CAMK1: variants seen among roughly 807,000 people sequenced by gnomAD.
The protein encoded by CAMK1 is calcium/calmodulin dependent protein kinase I.
Under a neutral mutation model 49.1 loss-of-function variants are expected in CAMK1, and 39 were observed. That is an observed-to-expected ratio of 0.79 (90% CI 0.62 to 1.04). The LOEUF (loss-of-function observed/expected upper bound fraction) is 1.04, where lower values mean the gene tolerates loss of function less well. CAMK1 is among the 50% of genes least tolerant of loss of function. The probability of loss-of-function intolerance (pLI) is 0.00; values close to 1 mark genes in which losing one functional copy is unlikely to be tolerated. For missense variants in CAMK1, 457 were observed against 472.2 expected, an observed-to-expected ratio of 0.97 and a Z score of 0.30; for synonymous variants, 192 against 185.2, an observed-to-expected ratio of 1.04 and a Z score of -0.30.
At chr3:9,762,865 A>C (rs2077951092) in intron 5 of CAMK1, 49 bp downstream of exon 5, 1 of 1,591,916 alleles carries the variant, frequency 6.3e-7, no homozygotes, top group Non-Finnish European at 8.6e-7. Context: ...GGGTTTGCAA[A>C]GGCCCCACCC....
chr3:9,765,619 G>A, intron 3 of CAMK1, 140 bp downstream of exon 3: 4 of 999,118 alleles, frequency 4.0e-6, no homozygotes, highest in South Asian at 1.5e-5. Context: ...CCTGCCAAGT[G>A]GAAATTGTGA....
In CAMK1 at chr3:9,760,685, GAGTC is replaced by G; in HGVS notation, c.712_715del (p.Asp238LeufsTer18). On this transcript the variant is annotated frameshift_variant, in exon 8 of 12. Coordinates refer to ENST00000256460, the MANE Select transcript of CAMK1 (RefSeq NM_003656.5). LOFTEE classifies it high-confidence loss of function. Reference sequence around the variant, plus strand: ...GTCAGAGATGTCGTCCCAGTAAGGAGAGTCAAACTCGTACTCGGCCTTCAAAATC... The same window carrying G: ...GTCAGAGATGTCGTCCCAGTAAGGAGAAACTCGTACTCGGCCTTCAAAATC... 1 of 1,614,066 alleles carries G rather than the reference GAGTC, an allele frequency of 6.2e-7. No individual in the cohort carries two copies. Among genetic ancestry groups the G allele is most frequent in the Non-Finnish European group, 8.5e-7 (1 of 1,179,988 alleles).
At chr3:9,764,863 T>C (rs1227453601) in intron 3 of CAMK1, among the ~76,000 whole-genome samples, 1 of 151,982 alleles carries the variant, frequency 6.6e-6, no homozygotes, top group Non-Finnish European at 1.5e-5. Flanking sequence ...ATCTTGATGA[T>C]GAGGAAGGCT....
In CAMK1 at chr3:9,760,811, C is replaced by T. The variant is rs373417826; in HGVS notation, c.633-43G>A. The T allele has an allele frequency of 5.2e-5, 84 of 1,611,352 alleles. 1 individual carries two copies. The African/African-American group carries it at 8.5e-4, about 16-fold the overall frequency. ...CATCCTCATTTCCACTTTCGGGTGC[C>T]GTTGGCTCCGGGGTGGAGCACTGGG... On this transcript the variant is annotated intron_variant, in intron 7 of 11. Coordinates refer to ENST00000256460, the MANE Select transcript of CAMK1 (RefSeq NM_003656.5).
At chr3:9,769,221 G>A (rs886376470) in intron 1 of CAMK1, among the ~76,000 whole-genome samples, 19 of 150,616 alleles carry the variant, frequency 1.3e-4, no homozygotes, top group Admixed American at 6.6e-5. Context: ...ACATCCACCC[G>A]CACCCACACA....
intron 3 of CAMK1, among the ~76,000 whole-genome samples, chr3:9,764,812 A>G (rs546704114): frequency 6.6e-6 from 1 of 151,566 alleles, no homozygotes; most frequent in Admixed American, 6.6e-5. Context: ...TTGTATTTTT[A>G]GTAGAGACAG....
At chr3:9,759,108 C>G in intron 10 of CAMK1, 1 of 1,200,732 alleles carries the variant, frequency 8.3e-7, no homozygotes, top group Non-Finnish European at 1.2e-6. Flanking sequence ...CCAGTCTGGC[C>G]AGGCTTAGCA....
chr3:9,761,732 A>C lies in CAMK1; in HGVS notation c.455T>G (p.Leu152Arg). Residue 152 changes from leucine to arginine, a missense_variant, in exon 6 of 12, where the codon CTG becomes CGG. Physicochemically the swap from Leu to Arg is moderately radical, Grantham distance 102. Coordinates refer to ENST00000256460, the MANE Select transcript of CAMK1 (RefSeq NM_003656.5). ...GATCATGATTTTGGAGTCTTCATCC[A>C]GGCTGTAGTACAGCAGATTCTCTGG... ...LKPENLLYYS[L>R]DEDSKIMISD... 6.2e-7 allele frequency: 1 copy of C among 1,614,142 alleles called. No individual in the cohort carries two copies. Among genetic ancestry groups the C allele is most frequent in the Non-Finnish European group, 8.5e-7 (1 of 1,180,002 alleles).
intron 3 of CAMK1, among the ~76,000 whole-genome samples, chr3:9,764,517 G>A (rs749516023): frequency 1.3e-5 from 2 of 151,600 alleles, no homozygotes; most frequent in Non-Finnish European, 2.9e-5. Flanking sequence ...TCTCCATGTT[G>A]GTCAGGCTGG....
chr3:9,769,385 G>A (rs1375724895), intron 1 of CAMK1, among the ~76,000 whole-genome samples: 1 of 151,844 alleles, frequency 6.6e-6, no homozygotes, highest in African/African-American at 2.4e-5. Flanking sequence ...GTACACAATT[G>A]TACACCCCCT....
chr3:9,764,628 G>T (rs112300812), intron 3 of CAMK1, among the ~76,000 whole-genome samples: 11,738 of 92,032 alleles, frequency 0.13, 926 homozygotes, highest in East Asian at 0.34. Context: ...TTTTTTTTTT[G>T]TTTTTTTTTT....
chr3:9,761,965 CTCT>C (rs1395072227), intron 5 of CAMK1: 15 of 623,240 alleles, frequency 2.4e-5, no homozygotes, highest in Non-Finnish European at 3.8e-5. Flanking sequence ...GGGGAACTGT[CTCT>C]AAACCTCAGG....
chr3:9,765,848 C>T lies in CAMK1; in HGVS notation c.126G>A (p.Thr42=), dbSNP rs778831944. 15 of 1,613,854 alleles carry T rather than the reference C, an allele frequency of 9.3e-6. No homozygotes were observed. Among genetic ancestry groups the T allele is most frequent in the African/African-American group, 1.3e-5 (1 of 74,934 alleles). Residue 42 remains threonine, a synonymous_variant, in exon 3 of 12, where the codon ACG becomes ACA. Transcript: ENST00000256460. ...SEVILAEDKR[T]QKLVAIKCIA... Reference sequence around the variant, plus strand: ...TGCATTTGATGGCCACCAGCTTCTGCGTCCTCTTATCTTCTGCCAGGATCA... The same window carrying T: ...TGCATTTGATGGCCACCAGCTTCTGTGTCCTCTTATCTTCTGCCAGGATCA...
chr3:9,764,860 T>A (rs1284501013), intron 3 of CAMK1, among the ~76,000 whole-genome samples: 1 of 151,938 alleles, frequency 6.6e-6, no homozygotes, highest in Non-Finnish European at 1.5e-5. Context: ...TTGATCTTGA[T>A]GATGAGGAAG....
intron 2 of CAMK1, among the ~76,000 whole-genome samples, chr3:9,767,460 T>C (rs1437042230): frequency 6.6e-6 from 1 of 152,218 alleles, no homozygotes; most frequent in Non-Finnish European, 1.5e-5. Context: ...CTTCTTTCTC[T>C]TCAAGAACCC....
At chr3:9,763,257 C>T (rs552359347) in intron 3 of CAMK1, 44 bp from the exon 4 acceptor site, 13 of 1,611,814 alleles carry the variant, frequency 8.1e-6, no homozygotes, top group Non-Finnish European at 1.1e-5. Context: ...TGGCGGTGTG[C>T]ACCTGTAGTC....
chr3:9,760,813 T>C, intron 7 of CAMK1, 45 bp from the exon 8 acceptor site: 1 of 1,611,418 alleles, frequency 6.2e-7, no homozygotes, highest in African/African-American at 1.3e-5. Context: ...TCGGGTGCCG[T>C]TGGCTCCGGG....
At chr3:9,758,426 G>C (rs1215417401) in intron 10 of CAMK1, 2 of 154,416 alleles carry the variant, frequency 1.3e-5, no homozygotes, top group Non-Finnish European at 2.9e-5. Context: ...GCCAGCCCTT[G>C]ACATCTCTTT....
At chr3:9,769,334 C>T (rs2078243046) in intron 1 of CAMK1, among the ~76,000 whole-genome samples, 1 of 152,044 alleles carries the variant, frequency 6.6e-6, no homozygotes, top group African/African-American at 2.4e-5. Context: ...TATTCCAAAC[C>T]AAACCCCAAG....
Sources: gnomAD v4.1 joint callset for allele counts (sites outside exome capture counted in the v4.1 genomes callset) on GRCh38, gnomAD v4.1.1 for gene constraint, MANE v1.5 for transcripts, NCBI Gene and HGNC (gene_info 2026-07-23, HGNC 2026-07-21) for gene names.